FAM3B: variants seen among roughly 807,000 people sequenced by gnomAD.
FAM3B encodes FAM3 metabolism regulating signaling molecule B.
Under a neutral mutation model 28.4 loss-of-function variants are expected in FAM3B, and 29 were observed. The observed-to-expected ratio is 1.02, with a 90% CI of 0.76 to 1.39. The LOEUF is 1.39. Among genes scored for constraint, FAM3B ranks in the 40% most tolerant of loss-of-function variants. FAM3B has a pLI of 0.00. For missense variants in FAM3B, 266 were observed against 293.9 expected, an observed-to-expected ratio of 0.91 and a Z score of 0.69; for synonymous variants, 91 against 103.0, an observed-to-expected ratio of 0.88 and a Z score of 0.71.
At chr21:41,322,594 GT>G in intron 1 of FAM3B, 1 of 717,296 alleles carries the variant, frequency 1.4e-6, no homozygotes, top group South Asian at 1.5e-5. Flanking sequence ...TCAGGTTCAC[GT>G]TGGGCATGCT....
At chr21:41,318,871 ATTAC>A (rs1456319689) in intron 1 of FAM3B, among the ~76,000 whole-genome samples, 1 of 152,114 alleles carries the variant, frequency 6.6e-6, no homozygotes, top group Admixed American at 6.6e-5. Context: ...TGGTTTCAGT[ATTAC>A]TTTCTTTCTG....
chr21:41,309,281 T>C (rs2088697778), intron 1 of FAM3B, among the ~76,000 whole-genome samples: 2 of 152,234 alleles, frequency 1.3e-5, no homozygotes, highest in Admixed American at 1.3e-4. Flanking sequence ...TTCTGACAAA[T>C]GGACCATAAT....
chr21:41,307,776 T>C (rs2088689833), intron 1 of FAM3B, among the ~76,000 whole-genome samples: 1 of 152,174 alleles, frequency 6.6e-6, no homozygotes, highest in Non-Finnish European at 1.5e-5. Context: ...CTGTGGACAC[T>C]GTTCATGGCA....
chr21:41,313,922 G>A (rs2088729532), upstream of FAM3B, among the ~76,000 whole-genome samples: 1 of 152,164 alleles, frequency 6.6e-6, no homozygotes, highest in Non-Finnish European at 1.5e-5. Context: ...AATCACATGT[G>A]GATACTGTGG....
In FAM3B at chr21:41,344,538, A is replaced by C. The variant is rs754600457; in HGVS notation, c.346+4A>C. On this transcript the variant is annotated splice_donor_region_variant and intron_variant, in intron 4 of 7. Transcript: ENST00000357985. ...ATAAACATTGCCATTGTCAACTGTA[A>C]GTTACTAAACATTTTCTTTAAACTT... 14 of 1,612,846 alleles carry C rather than the reference A, an allele frequency of 8.7e-6. No individual in the cohort carries two copies. The South Asian group carries it at 1.3e-4, about 15-fold the overall frequency.
chr21:41,304,268 C>G (rs778943120), exon 1 of FAM3B: 2 of 455,942 alleles, frequency 4.4e-6, no homozygotes, highest in African/African-American at 2.0e-5. Context: ...GGCACCCTGG[C>G]GCCATCTTTT....
upstream of FAM3B, chr21:41,316,780 C>G (rs1412412733): frequency 3.2e-6 from 4 of 1,237,738 alleles, no homozygotes; most frequent in Non-Finnish European, 4.2e-6. Flanking sequence ...CTGCCCGACA[C>G]GACCGCTGCC....
rs187268443 is a variant in FAM3B at position 41,345,649 on chromosome 21, G to A, written c.347-37G>A. ...TGCCACAAGTGCGCCCTAGTTCTGT[G>A]AACTTTCTTTTAAAATACCATTTCT... is the stretch of plus-strand genomic sequence containing the variant. On this transcript the variant is annotated intron_variant, in intron 4 of 7. Transcript: ENST00000357985. 405 of 1,415,006 alleles carry A rather than the reference G, an allele frequency of 2.9e-4. 1 individual carries two copies. In the African/African-American group the frequency reaches 5.4e-3, roughly 19 times the overall value. 87.7% of individuals were successfully genotyped at this position (1,415,006 alleles called of 1,614,324 possible).
intron 2 of FAM3B, among the ~76,000 whole-genome samples, chr21:41,329,398 G>A (rs2410418): frequency 0.097 from 14,772 of 152,160 alleles, 712 homozygotes; most frequent in Admixed American, 0.11. Context: ...TGTGCTGCAC[G>A]CACTCCCTGC....
At chr21:41,307,538 A>G (rs1371629216) in intron 1 of FAM3B, among the ~76,000 whole-genome samples, 1 of 152,240 alleles carries the variant, frequency 6.6e-6, no homozygotes, top group Admixed American at 6.5e-5. Context: ...TTGGCTTTTA[A>G]TATGCCTTCC....
chr21:41,316,223 T>A (rs1245133412), upstream of FAM3B, among the ~76,000 whole-genome samples: 1 of 152,200 alleles, frequency 6.6e-6, no homozygotes, highest in Non-Finnish European at 1.5e-5. Flanking sequence ...AAGGAGGACC[T>A]GCAGACCCAT....
chr21:41,351,732 C>T (rs1353991434), intron 7 of FAM3B, among the ~76,000 whole-genome samples: 1 of 152,226 alleles, frequency 6.6e-6, no homozygotes, highest in Non-Finnish European at 1.5e-5. Flanking sequence ...CTAGGCACAG[C>T]GCCTGGGCCA....
At chr21:41,319,190 C>A (rs1477670160) in intron 1 of FAM3B, among the ~76,000 whole-genome samples, 1 of 152,120 alleles carries the variant, frequency 6.6e-6, no homozygotes. Flanking sequence ...GCCACTGCAC[C>A]CAGCTTCTGG....
chr21:41,339,643 C>G (rs2088986252), intron 3 of FAM3B, among the ~76,000 whole-genome samples: 1 of 152,156 alleles, frequency 6.6e-6, no homozygotes, highest in Non-Finnish European at 1.5e-5. Flanking sequence ...GTACTATTAA[C>G]CTTCGCCTTC....
chr21:41,352,140 C>T (rs1398739502), intron 7 of FAM3B, among the ~76,000 whole-genome samples: 1 of 152,212 alleles, frequency 6.6e-6, no homozygotes, highest in African/African-American at 2.4e-5. Context: ...CAGCCCCTCC[C>T]ATGCTTTGTG....
intron 2 of FAM3B, among the ~76,000 whole-genome samples, chr21:41,333,954 A>G (rs2088929588): frequency 1.3e-5 from 2 of 152,242 alleles, no homozygotes; most frequent in Non-Finnish European, 2.9e-5. Context: ...ATTATACCTT[A>G]GCAAAGAGCT....
intron 1 of FAM3B, among the ~76,000 whole-genome samples, chr21:41,308,437 G>T (rs150588159): frequency 2.1e-4 from 32 of 152,206 alleles, no homozygotes; most frequent in African/African-American, 6.7e-4. Flanking sequence ...CTGTGCAGCT[G>T]CCGTCAGCAG....
chr21:41,350,962 G>C (rs553086976), intron 7 of FAM3B, among the ~76,000 whole-genome samples: 1 of 152,278 alleles, frequency 6.6e-6, no homozygotes, highest in South Asian at 2.1e-4. Flanking sequence ...TGGCAGCCCG[G>C]GCGTTGTGCC....
chr21:41,340,908 A>C (rs1479532120), intron 3 of FAM3B, among the ~76,000 whole-genome samples: 3 of 152,004 alleles, frequency 2.0e-5, no homozygotes, highest in Non-Finnish European at 4.4e-5. Context: ...GGCAAAAAAT[A>C]AGCTATATAT....
Sources: gnomAD v4.1 joint callset for allele counts (sites outside exome capture counted in the v4.1 genomes callset) on GRCh38, gnomAD v4.1.1 for gene constraint, MANE v1.5 for transcripts, NCBI Gene and HGNC (gene_info 2026-07-23, HGNC 2026-07-21) for gene names.